Variants in SCFD2 observed in about 807,000 individuals in gnomAD.
SCFD2 encodes the protein sec1 family domain-containing protein 2.
SCFD2 carries 54 observed loss-of-function variants against 58.9 expected under a neutral mutation model. The observed-to-expected ratio is 0.92, with a 90% CI of 0.74 to 1.15. SCFD2 has a LOEUF of 1.15. SCFD2 is among the 50% of genes most tolerant of loss of function. SCFD2 has a pLI of 0.00. For synonymous variants in SCFD2, 321 were observed against 335.9 expected, an observed-to-expected ratio of 0.96 and a Z score of 0.49; for missense variants, 805 against 836.6, an observed-to-expected ratio of 0.96 and a Z score of 0.47.
chr4:53,260,612 C>T (rs1730802140), intron 4 of SCFD2, among the ~76,000 whole-genome samples: 1 of 152,098 alleles, frequency 6.6e-6, no homozygotes, highest in Non-Finnish European at 1.5e-5. Flanking sequence ...TTTTGACATG[C>T]TGGTGGACTC....
intron 3 of SCFD2, among the ~76,000 whole-genome samples, chr4:53,284,573 A>G (rs1731606600): frequency 6.6e-6 from 1 of 152,190 alleles, no homozygotes; most frequent in South Asian, 2.1e-4. Context: ...TTTCTCTGGG[A>G]AACTTGACTT....
intron 3 of SCFD2, among the ~76,000 whole-genome samples, chr4:53,312,194 T>C (rs1732713146): frequency 6.6e-6 from 1 of 152,202 alleles, no homozygotes; most frequent in African/African-American, 2.4e-5. Flanking sequence ...GTCTGTCTGC[T>C]AAATTGTTTT....
chr4:53,036,590 A>G (rs1027434280), intron 5 of SCFD2, among the ~76,000 whole-genome samples: 1 of 151,964 alleles, frequency 6.6e-6, no homozygotes, highest in Non-Finnish European at 1.5e-5. Context: ...AACTATCACA[A>G]GAACAGAAAG....
At chr4:53,112,936 G>A (rs1442684922) in intron 5 of SCFD2, among the ~76,000 whole-genome samples, 2 of 151,932 alleles carry the variant, frequency 1.3e-5, no homozygotes, top group Non-Finnish European at 2.9e-5. Flanking sequence ...ACTAGCCATA[G>A]GATCCCAGAT....
chr4:53,193,292 TTTC>T (rs1333778351), intron 4 of SCFD2, among the ~76,000 whole-genome samples: 5 of 152,156 alleles, frequency 3.3e-5, no homozygotes, highest in Admixed American at 2.6e-4. Flanking sequence ...TGTAACAGGA[TTTC>T]TTAAGTGGTT....
At chr4:52,989,215 T>C (rs759925065) in intron 5 of SCFD2, among the ~76,000 whole-genome samples, 1 of 152,222 alleles carries the variant, frequency 6.6e-6, no homozygotes, top group Non-Finnish European at 1.5e-5. Context: ...ATGATGTCCC[T>C]AGTTCTGTGA....
chr4:53,072,639 TG>T (rs1368916882), intron 5 of SCFD2, among the ~76,000 whole-genome samples: 1 of 152,130 alleles, frequency 6.6e-6, no homozygotes, highest in East Asian at 1.9e-4. Flanking sequence ...ACTAGTTTTT[TG>T]TGCCCTATGC....
chr4:53,040,979 A>G (rs1722884325), intron 5 of SCFD2, among the ~76,000 whole-genome samples: 1 of 152,182 alleles, frequency 6.6e-6, no homozygotes, highest in Admixed American at 6.6e-5. Context: ...ATTTGGTGAA[A>G]GAAAAAGAAA....
intron 1 of SCFD2, among the ~76,000 whole-genome samples, chr4:53,363,960 G>A (rs1281032504): frequency 6.6e-6 from 1 of 151,952 alleles, no homozygotes; most frequent in Non-Finnish European, 1.5e-5. Flanking sequence ...CTTCCCAGTT[G>A]ATTATGAAAC....
intron 4 of SCFD2, among the ~76,000 whole-genome samples, chr4:53,237,494 G>GA (rs1268438233): frequency 1.2e-4 from 1 of 8,026 alleles, no homozygotes; most frequent in Non-Finnish European, 2.8e-4. Context: ...CTCCCTCCCG[G>GA]ACGGGCGGCT....
intron 7 of SCFD2, among the ~76,000 whole-genome samples, chr4:52,896,194 T>G (rs1228132968): frequency 6.6e-6 from 1 of 152,222 alleles, no homozygotes; most frequent in Admixed American, 6.5e-5. Context: ...ATTTTGGCTT[T>G]TGTTGCCATT....
intron 5 of SCFD2, among the ~76,000 whole-genome samples, chr4:52,928,628 C>G (rs975124905): frequency 6.6e-6 from 1 of 152,164 alleles, no homozygotes; most frequent in African/African-American, 2.4e-5. Flanking sequence ...GATCCCATGA[C>G]TGTTGGTGCA....
At chr4:53,066,602 T>C (rs1324541022) in intron 5 of SCFD2, among the ~76,000 whole-genome samples, 2 of 152,212 alleles carry the variant, frequency 1.3e-5, no homozygotes, top group African/African-American at 2.4e-5. Flanking sequence ...TTGGGAGTTG[T>C]AACATTAAAA....
intron 5 of SCFD2, among the ~76,000 whole-genome samples, chr4:53,057,233 G>A (rs889394986): frequency 4.6e-5 from 7 of 152,014 alleles, no homozygotes; most frequent in East Asian, 1.9e-4. Flanking sequence ...CAGGACTCCC[G>A]TACTAGCAAA....
At chr4:52,983,430 G>A (rs1304777821) in intron 5 of SCFD2, among the ~76,000 whole-genome samples, 3 of 152,182 alleles carry the variant, frequency 2.0e-5, no homozygotes, top group Non-Finnish European at 4.4e-5. Context: ...ATATATGTAT[G>A]CACAAATGTT....
intron 5 of SCFD2, among the ~76,000 whole-genome samples, chr4:53,044,266 T>C (rs1722970882): frequency 6.6e-6 from 1 of 152,136 alleles, no homozygotes; most frequent in African/African-American, 2.4e-5. Flanking sequence ...TCCCCAACCC[T>C]GCTTCCCCCA....
At position 53,089,913 on chromosome 4, in the gene SCFD2, CA is replaced by C. The variant is rs549925343; in HGVS notation, c.1561+55419del. ...CAAACATATTTCCCCTGCAGCATTT[CA>C]AAACATACTCAACCATTAAAAGGAA... On this transcript the variant is annotated intron_variant, in intron 5 of 8. Transcript: ENST00000401642. Among the ~76,000 whole-genome samples the C allele has an allele frequency of 3.1e-3, 476 of 152,256 alleles. 3 individuals carry two copies. The highest frequency in any genetic ancestry group is 0.011 in the African/African-American group (460 of 41,552).
In SCFD2 at chr4:52,873,954, C is replaced by G. The variant is rs1206346188; in HGVS notation, c.*15G>C. The G allele has an allele frequency of 1.2e-6, 2 of 1,602,900 alleles. No homozygotes were observed. Among genetic ancestry groups the G allele is most frequent in the Non-Finnish European group, 8.5e-7 (1 of 1,170,106 alleles). ...CATTTCCAGCTTGAGTAGGTCTTAT[C>G]TTCTTAGCGGATGCTCAGAAGCCAA... is the stretch of plus-strand genomic sequence containing the variant. On this transcript the variant is annotated 3_prime_UTR_variant, in exon 9 of 9. Coordinates refer to ENST00000401642, the MANE Select transcript of SCFD2 (RefSeq NM_152540.4).
intron 5 of SCFD2, among the ~76,000 whole-genome samples, chr4:53,052,196 C>T (rs1466376872): frequency 6.6e-6 from 1 of 152,202 alleles, no homozygotes; most frequent in African/African-American, 2.4e-5. Context: ...GCCTCTCTCT[C>T]CCCTTACTCT....
Sources: gnomAD v4.1 joint callset for allele counts (sites outside exome capture counted in the v4.1 genomes callset) on GRCh38, gnomAD v4.1.1 for gene constraint, MANE v1.5 for transcripts, NCBI Gene and HGNC (gene_info 2026-07-23, HGNC 2026-07-21) for gene names.